The following MRPS35 variants were observed in gnomAD, a reference collection of about 807,000 sequenced individuals.
MRPS35 encodes small ribosomal subunit protein mS35.
MRPS35 carries 29 observed loss-of-function variants against 32.7 expected under a neutral mutation model. The ratio of observed to expected loss-of-function variants is 0.89; its 90% CI spans 0.66 to 1.21. The LOEUF (loss-of-function observed/expected upper bound fraction) is 1.21. Ranked by LOEUF, MRPS35 falls within the 50% of genes most tolerant of loss-of-function variation. The pLI is 0.00. For synonymous variants in MRPS35, 148 were observed against 139.3 expected, an observed-to-expected ratio of 1.06 and a Z score of -0.44; for missense variants, 373 against 383.8, an observed-to-expected ratio of 0.97 and a Z score of 0.23.
rs1226331830 is a variant in MRPS35 at position 27,750,672 on chromosome 12, G to GTACT, written c.703-4508_703-4505dup. Among the ~76,000 whole-genome samples, 3 of 152,226 alleles carry GTACT rather than the reference G, an allele frequency of 2.0e-5. No homozygotes were observed. In the East Asian group the frequency reaches 5.8e-4, roughly 29 times the overall value. On this transcript the variant is annotated intron_variant, in intron 7 of 7. Transcript: ENST00000081029. The stretch of plus-strand genomic sequence containing the variant: ...ATGCAAACATTAGCAGGGCATGGTG[G>GTACT]TACTCTCTGGTAGTCCCAGCTACTC...
Position 27,724,201 on chromosome 12 carries a change from CA to C in MRPS35, c.522+16del. On this transcript the variant is annotated intron_variant, in intron 5 of 7. Coordinates refer to ENST00000081029, the MANE Select transcript of MRPS35 (RefSeq NM_021821.4). ...TAGTCTTAAGAGTAAGAGTTTTTTT[CA>C]TTTTTTTTTTTTAAATAAGAATCAT... The C allele has an allele frequency of 1.3e-6, 2 of 1,534,362 alleles. No homozygotes were observed. Among genetic ancestry groups the C allele is most frequent in the Non-Finnish European group, 1.7e-6 (2 of 1,145,586 alleles).
At chr12:27,739,869 A>G (rs891115308) in intron 7 of MRPS35, among the ~76,000 whole-genome samples, 1 of 152,254 alleles carries the variant, frequency 6.6e-6, no homozygotes, top group African/African-American at 2.4e-5. Context: ...TGGTTCCGTG[A>G]CTTAGAATCC....
chr12:27,728,406 A>T (rs753636867), intron 5 of MRPS35, among the ~76,000 whole-genome samples: 1 of 152,112 alleles, frequency 6.6e-6, no homozygotes, highest in Non-Finnish European at 1.5e-5. Context: ...ATACACATAC[A>T]TACACATCTA....
rs1316050380 is a variant in MRPS35, at chr12:27,755,712, A to G, written c.*262A>G. On this transcript the variant is annotated 3_prime_UTR_variant, in exon 8 of 8. Transcript: ENST00000081029. ...TTTCTACATAATAGCTTTGGTATTC[A>G]TGTATATACATGCATTTAATTGTGA... is the stretch of plus-strand genomic sequence containing the variant. 1 of 222,370 alleles carries G rather than the reference A, an allele frequency of 4.5e-6. No homozygotes were observed. Among genetic ancestry groups the G allele is most frequent in the African/African-American group, 2.3e-5 (1 of 44,004 alleles). The allele number at this position is 222,370 out of a possible 1,614,324, so 13.8% of individuals were successfully genotyped here.
Position 27,755,612 on chromosome 12 carries a change from T to C in MRPS35, c.*162T>C, listed in dbSNP as rs947601703. On this transcript the variant is annotated 3_prime_UTR_variant, in exon 8 of 8. Coordinates refer to ENST00000081029, the MANE Select transcript of MRPS35 (RefSeq NM_021821.4). Reference sequence around the variant, plus strand: ...CTTAATGGCAATGATTACTCCAGAGTTTTTTAATTTTTACACTGGGGCAAT... The same window carrying C: ...CTTAATGGCAATGATTACTCCAGAGCTTTTTAATTTTTACACTGGGGCAAT... The C allele has an allele frequency of 5.3e-6, 3 of 565,110 alleles. No homozygotes were observed. The highest frequency in any genetic ancestry group is 8.3e-6 in the Non-Finnish European group (3 of 361,282). The allele number at this position is 565,110 out of a possible 1,614,324, so 35.0% of individuals were successfully genotyped here. A position where few individuals can be genotyped will look rare whatever the true frequency, so the allele number is the denominator to read the frequency against.
intron 7 of MRPS35, among the ~76,000 whole-genome samples, chr12:27,742,825 T>G (rs1488110874): frequency 6.6e-6 from 1 of 152,040 alleles, no homozygotes; most frequent in Non-Finnish European, 1.5e-5. Context: ...TTTTGGGGGC[T>G]TGTGTGTGTG....
intron 3 of MRPS35, 140 bp from the exon 4 acceptor site, chr12:27,719,668 G>A: frequency 1.8e-6 from 1 of 544,264 alleles, no homozygotes; most frequent in South Asian, 2.1e-5. Context: ...GCGAGACTCT[G>A]TCTCAAAAAA....
Position 27,714,337 on chromosome 12 carries a change from G to A in MRPS35, c.113-443G>A, listed in dbSNP as rs905898933. Among the ~76,000 whole-genome samples, 8 of 151,910 alleles carry A rather than the reference G, an allele frequency of 5.3e-5. No individual in the cohort carries two copies. In the East Asian group the frequency reaches 5.8e-4, roughly 11 times the overall value. On this transcript the variant is annotated intron_variant, in intron 1 of 7. Coordinates refer to ENST00000081029, the MANE Select transcript of MRPS35 (RefSeq NM_021821.4). ...GCACAGTGGCTCACACCTGCCCACC[G>A]CACTTTGGGAGACTGAGGCAGGCGG...
chr12:27,732,225 T>C (rs2140768968), intron 5 of MRPS35, among the ~76,000 whole-genome samples: 1 of 152,360 alleles, frequency 6.6e-6, no homozygotes, highest in East Asian at 1.9e-4. Context: ...GTTATTCACC[T>C]CAAGTTTTGT....
chr12:27,710,928 G>A lies in MRPS35; in HGVS notation c.85G>A (p.Ala29Thr). Residue 29 changes from alanine to threonine, a missense_variant, in exon 1 of 8, where the codon GCC becomes ACC. Ala to Thr is a moderately conservative substitution (Grantham distance 58, BLOSUM62 0). Transcript: ENST00000081029. ...LRAFSTAVYS[A>T]TPVPTPSLPE... The stretch of plus-strand genomic sequence containing the variant: ...TGCATTCTCCACTGCCGTCTACTCG[G>A]CCACTCCGGTCCCGACACCTAGCCT... 3 of 1,613,258 alleles carry A rather than the reference G, an allele frequency of 1.9e-6. No homozygotes were observed. The highest frequency in any genetic ancestry group is 2.5e-6 in the Non-Finnish European group (3 of 1,179,898).
chr12:27,734,791 A>T (rs185112550), intron 5 of MRPS35, among the ~76,000 whole-genome samples: 1 of 152,320 alleles, frequency 6.6e-6, no homozygotes, highest in East Asian at 1.9e-4. Flanking sequence ...AAAAAATGCT[A>T]CCTTAAAAAA....
chr12:27,711,024 G>A (rs2061818342), intron 1 of MRPS35, 69 bp downstream of exon 1: 1 of 1,437,742 alleles, frequency 7.0e-7, no homozygotes, highest in East Asian at 2.4e-5. Context: ...CCTCATGAAG[G>A]GTGCCGCGGT....
chr12:27,737,459 TTA>T, intron 6 of MRPS35, 78 bp from the exon 7 acceptor site: 1 of 885,102 alleles, frequency 1.1e-6, no homozygotes, highest in Non-Finnish European at 1.9e-6. Context: ...TCTTCTGTAT[TTA>T]GTATATTGCA....
At chr12:27,716,522 T>C (rs201003801) in intron 3 of MRPS35, 64 bp downstream of exon 3, 15 of 1,507,830 alleles carry the variant, frequency 9.9e-6, no homozygotes, top group Non-Finnish European at 1.3e-5. Flanking sequence ...TCTTCCCCCC[T>C]ATTTCTGCTC....
intron 7 of MRPS35, chr12:27,752,997 A>G (rs1386086492): frequency 1.3e-5 from 2 of 152,206 alleles, no homozygotes; most frequent in Non-Finnish European, 2.9e-5. Flanking sequence ...AAATAATAAT[A>G]ATAAAATAAA....
intron 7 of MRPS35, among the ~76,000 whole-genome samples, chr12:27,745,517 A>G (rs181079627): frequency 5.2e-4 from 79 of 152,130 alleles, no homozygotes; most frequent in Admixed American, 4.6e-3. Context: ...AAATTCATCT[A>G]TCTCCATAAC....
chr12:27,741,160 T>A (rs1002243882), intron 7 of MRPS35, among the ~76,000 whole-genome samples: 3 of 151,660 alleles, frequency 2.0e-5, no homozygotes, highest in Non-Finnish European at 2.9e-5. Context: ...AGAGTGAGAC[T>A]CTGTCTCAAA....
At chr12:27,749,842 A>C (rs2061995068) in intron 7 of MRPS35, among the ~76,000 whole-genome samples, 3 of 152,206 alleles carry the variant, frequency 2.0e-5, no homozygotes, top group Admixed American at 2.0e-4. Flanking sequence ...CAGCCCTGTG[A>C]AGTCGGTTCT....
chr12:27,716,485 T>C (rs1459573085), intron 3 of MRPS35, 27 bp downstream of exon 3: 1 of 1,612,440 alleles, frequency 6.2e-7, no homozygotes, highest in African/African-American at 1.3e-5. Flanking sequence ...ATTCATTGGC[T>C]CAGACTTACA....
Sources: allele counts gnomAD v4.1 joint callset (sites outside exome capture counted in the v4.1 genomes callset), GRCh38; gene constraint gnomAD v4.1.1; transcripts MANE v1.5; gene names NCBI Gene and HGNC (gene_info 2026-07-23, HGNC 2026-07-21).